FBXW7: variants seen among roughly 807,000 people sequenced by gnomAD.
FBXW7 encodes the protein F-box/WD repeat-containing protein 7.
A neutral mutation model predicts 86.3 loss-of-function variants in FBXW7; 11 were observed. The ratio of observed to expected loss-of-function variants is 0.13; its 90% CI spans 0.08 to 0.21. FBXW7 has a LOEUF of 0.21. Ranked by LOEUF, FBXW7 falls within the 10% of genes least tolerant of loss-of-function variation. FBXW7 has a pLI of 1.00. For synonymous variants in FBXW7, 313 were observed against 297.9 expected, an observed-to-expected ratio of 1.05 and a Z score of -0.52; for missense variants, 488 against 847.4, an observed-to-expected ratio of 0.58 and a Z score of 5.27.
chr4:152,527,865 T>TACACACACAC (rs149379203), intron 2 of FBXW7, among the ~76,000 whole-genome samples: 79 of 137,482 alleles, frequency 5.7e-4, no homozygotes, highest in South Asian at 1.3e-3. Context: ...AAAAATTATA[T>TACACACACAC]ACACACACAC....
At chr4:152,411,981 T>C in intron 3 of FBXW7, 109 bp from the exon 4 acceptor site, 1 of 1,009,856 alleles carries the variant, frequency 9.9e-7, no homozygotes, top group Middle Eastern at 3.3e-4. Context: ...CAAAAAAGTA[T>C]TGATGCCACC....
At chr4:152,517,038 G>T (rs960116169) in intron 2 of FBXW7, among the ~76,000 whole-genome samples, 7 of 152,110 alleles carry the variant, frequency 4.6e-5, no homozygotes, top group African/African-American at 1.7e-4. Context: ...TGTCCAGCTG[G>T]TCTCGAACTC....
At chr4:152,435,084 G>A (rs1454059811) in intron 2 of FBXW7, among the ~76,000 whole-genome samples, 1 of 128,664 alleles carries the variant, frequency 7.8e-6, no homozygotes. Context: ...GAGGGGAGGG[G>A]AGGGGAGGGG....
At chr4:152,359,878 T>C (rs1233847437) in intron 4 of FBXW7, among the ~76,000 whole-genome samples, 1 of 152,190 alleles carries the variant, frequency 6.6e-6, no homozygotes, top group Admixed American at 6.5e-5. Flanking sequence ...ATTTTAATAG[T>C]CTGGGAGTTC....
At chr4:152,375,786 C>G (rs965934157) in intron 4 of FBXW7, among the ~76,000 whole-genome samples, 1 of 151,948 alleles carries the variant, frequency 6.6e-6, no homozygotes, top group African/African-American at 2.4e-5. Context: ...TGAACTGATA[C>G]AATTTTTTCT....
chr4:152,411,584 G>T lies in FBXW7; in HGVS notation c.220C>A (p.Gln74Lys), dbSNP rs2126880236. The T allele has an allele frequency of 2.5e-6, 4 of 1,613,746 alleles. No individual in the cohort carries two copies. Among genetic ancestry groups the T allele is most frequent in the Non-Finnish European group, 3.4e-6 (4 of 1,179,858 alleles). Residue 74 changes from glutamine (Q) to lysine (K), a missense_variant, in exon 4 of 14, where the codon CAA becomes AAA. This residue lies in a region of FBXW7 where 230 missense variants were observed against 240.0 expected (regional missense o/e 0.96). Transcript: ENST00000281708. ...PRPGGQNDSQ[Q>K]GQLEENNNRF... is the part of the protein sequence containing the mutation. ...TTATTGTTTTCTTCCAACTGTCCTT[G>T]CTGGGAATCATTTTGGCCTCCAGGT...
chr4:152,459,137 C>G (rs1293913967), intron 2 of FBXW7, among the ~76,000 whole-genome samples: 1 of 152,106 alleles, frequency 6.6e-6, no homozygotes, highest in African/African-American at 2.4e-5. Flanking sequence ...TAAGTTACTA[C>G]CCAAAACAGT....
intron 4 of FBXW7, among the ~76,000 whole-genome samples, chr4:152,362,440 G>C (rs1733053996): frequency 6.6e-6 from 1 of 152,064 alleles, no homozygotes; most frequent in Non-Finnish European, 1.5e-5. Flanking sequence ...TGATAAAGAA[G>C]ACACACACAT....
intron 2 of FBXW7, among the ~76,000 whole-genome samples, chr4:152,464,982 CTGAG>C (rs568237948): frequency 5.4e-4 from 82 of 152,288 alleles, no homozygotes; most frequent in African/African-American, 1.9e-3. Context: ...TTGAGCCTTT[CTGAG>C]TAAGATTAGT....
intron 2 of FBXW7, among the ~76,000 whole-genome samples, chr4:152,488,840 A>G (rs533654295): frequency 6.6e-6 from 1 of 152,222 alleles, no homozygotes; most frequent in South Asian, 2.1e-4. Flanking sequence ...CATTTATTCA[A>G]TTAGCACCAA....
intron 2 of FBXW7, among the ~76,000 whole-genome samples, chr4:152,424,004 T>C (rs923815078): frequency 1.3e-5 from 2 of 152,170 alleles, no homozygotes; most frequent in African/African-American, 4.8e-5. Context: ...ACAACTTTCC[T>C]GCTGGCAGAA....
At chr4:152,408,943 C>T (rs1304509894) in intron 4 of FBXW7, among the ~76,000 whole-genome samples, 1 of 152,084 alleles carries the variant, frequency 6.6e-6, no homozygotes, top group Non-Finnish European at 1.5e-5. Flanking sequence ...AACATTAAGA[C>T]AACATGGAAT....
chr4:152,397,752 T>TC, intron 4 of FBXW7, among the ~76,000 whole-genome samples: 1 of 139,212 alleles, frequency 7.2e-6, no homozygotes, highest in Non-Finnish European at 1.6e-5. Context: ...GTTGTTTAAA[T>TC]ATTCTTTACT....
At chr4:152,512,864 T>C (rs188023983) in intron 2 of FBXW7, among the ~76,000 whole-genome samples, 3 of 152,268 alleles carry the variant, frequency 2.0e-5, no homozygotes. Flanking sequence ...GAATATTTAT[T>C]TATTTATTTA....
At position 152,330,846 on chromosome 4, in the gene FBXW7, G is replaced by C. The variant is rs1046708929; in HGVS notation, c.1008C>G (p.Ile336Met). Residue 336 changes from isoleucine to methionine, a missense_variant, in exon 9 of 14, where the codon ATC becomes ATG. Ile to Met is a conservative substitution (Grantham distance 10). Coordinates refer to ENST00000281708, the MANE Select transcript of FBXW7 (RefSeq NM_001349798.2). ...KEEGIDEPLH[I>M]KRRKVIKPGF... is the part of the protein sequence containing the mutation. ...CTGGTTTTATTACTTTTCTTCTCTT[G>C]ATGTGCAATGGTTCATCAATCCCTA... The C allele has an allele frequency of 2.5e-6, 4 of 1,611,794 alleles. No homozygotes were observed. The African/African-American group carries it at 5.4e-5, about 22-fold the overall frequency.
chr4:152,532,624 A>C (rs949250084), intron 2 of FBXW7, among the ~76,000 whole-genome samples: 4 of 152,200 alleles, frequency 2.6e-5, no homozygotes, highest in Admixed American at 6.5e-5. Flanking sequence ...ACCTTCCCAG[A>C]TTTGGCTTCA....
intron 2 of FBXW7, among the ~76,000 whole-genome samples, chr4:152,442,912 A>ATGT (rs2126989617): frequency 6.6e-6 from 1 of 152,338 alleles, no homozygotes; most frequent in African/African-American, 2.4e-5. Context: ...TCAACGCTAA[A>ATGT]ACAAAGCTCA....
chr4:152,461,269 AAATAT>A (rs1410687977), intron 2 of FBXW7, among the ~76,000 whole-genome samples: 1 of 152,148 alleles, frequency 6.6e-6, no homozygotes, highest in Non-Finnish European at 1.5e-5. Context: ...AAATAAAATA[AAATAT>A]AATATAAAAA....
At chr4:152,509,147 C>T (rs778041472) in intron 2 of FBXW7, among the ~76,000 whole-genome samples, 2 of 151,970 alleles carry the variant, frequency 1.3e-5, no homozygotes, top group Non-Finnish European at 2.9e-5. Flanking sequence ...AAATACAACA[C>T]GTGAATAATT....
Sources: allele counts gnomAD v4.1 joint callset (sites outside exome capture counted in the v4.1 genomes callset), GRCh38; gene constraint gnomAD v4.1.1; regional missense constraint gnomAD v4.1.1; transcripts MANE v1.5; gene names NCBI Gene and HGNC (gene_info 2026-07-23, HGNC 2026-07-21).